ERC1: variants seen among roughly 807,000 people sequenced by gnomAD.
ERC1 encodes ELKS/RAB6-interacting/CAST family member 1.
Under a neutral mutation model 132.0 loss-of-function variants are expected in ERC1, and 56 were observed. That is an observed-to-expected ratio of 0.42 (90% CI 0.34 to 0.53). The LOEUF (loss-of-function observed/expected upper bound fraction) is 0.53. Among genes scored for constraint, ERC1 ranks in the 20% least tolerant of loss-of-function variants. The probability of loss-of-function intolerance (pLI) is 0.03; values close to 1 mark genes in which losing one functional copy is unlikely to be tolerated. For missense variants in ERC1, 1,202 were observed against 1,349.9 expected (o/e 0.89, Z 1.72); for synonymous variants, 478 against 476.1 (o/e 1.00, Z -0.05).
At chr12:1,368,929 G>A (rs2086913487) in intron 15 of ERC1, among the ~76,000 whole-genome samples, 1 of 152,092 alleles carries the variant, frequency 6.6e-6, no homozygotes, top group African/African-American at 2.4e-5. Context: ...TCAGTGTCAG[G>A]AGTATACGTT....
intron 13 of ERC1, among the ~76,000 whole-genome samples, chr12:1,243,974 TGTAGTGGCA>T (rs2075999119): frequency 6.6e-6 from 1 of 152,222 alleles, no homozygotes; most frequent in African/African-American, 2.4e-5. Context: ...GTTAAAACTC[TGTAGTGGCA>T]GTGCCACAGT....
At chr12:1,482,248 C>T (rs1016846079) in intron 18 of ERC1, among the ~76,000 whole-genome samples, 1 of 152,102 alleles carries the variant, frequency 6.6e-6, no homozygotes, top group Non-Finnish European at 1.5e-5. Context: ...TTGTGCCTCA[C>T]CTCATACTGT....
At chr12:1,125,811 G>T (rs1034715233) in intron 7 of ERC1, among the ~76,000 whole-genome samples, 1 of 152,156 alleles carries the variant, frequency 6.6e-6, no homozygotes, top group Admixed American at 6.5e-5. Context: ...GCGAGACTCC[G>T]TCTCAAAACA....
intron 7 of ERC1, among the ~76,000 whole-genome samples, chr12:1,126,149 TAAATTTTTAA>T (rs1948138103): frequency 6.6e-6 from 1 of 152,214 alleles, no homozygotes; most frequent in African/African-American, 2.4e-5. Flanking sequence ...TTACCTCTAT[TAAATTTTTAA>T]AAATGTATAT....
intron 11 of ERC1, among the ~76,000 whole-genome samples, chr12:1,189,563 T>G (rs753205369): frequency 6.6e-6 from 1 of 152,234 alleles, no homozygotes; most frequent in Non-Finnish European, 1.5e-5. Flanking sequence ...TGACTGTTAG[T>G]TTGTCTCACT....
At chr12:1,370,455 T>G (rs1444933261) in intron 15 of ERC1, among the ~76,000 whole-genome samples, 1 of 152,252 alleles carries the variant, frequency 6.6e-6, no homozygotes, top group East Asian at 1.9e-4. Context: ...TGGCTGTGTT[T>G]CTATATCCAC....
intron 15 of ERC1, among the ~76,000 whole-genome samples, chr12:1,338,971 G>GGT (rs2083550668): frequency 6.6e-6 from 1 of 152,218 alleles, no homozygotes; most frequent in Non-Finnish European, 1.5e-5. Context: ...TCTAATGGGT[G>GGT]GTGTCTGCCA....
At chr12:1,170,130 A>G (rs926805608) in intron 8 of ERC1, among the ~76,000 whole-genome samples, 2 of 152,188 alleles carry the variant, frequency 1.3e-5, no homozygotes, top group African/African-American at 2.4e-5. Context: ...AAATTGGTAT[A>G]ATATTACACT....
At chr12:1,138,211 T>TAATTG (rs536486567) in intron 7 of ERC1, among the ~76,000 whole-genome samples, 4 of 102,844 alleles carry the variant, frequency 3.9e-5, no homozygotes, top group Non-Finnish European at 7.0e-5. Context: ...ATGATATATA[T>TAATTG]TATATAATAT....
At chr12:1,213,514 A>G (rs749916415) in intron 12 of ERC1, among the ~76,000 whole-genome samples, 9 of 152,172 alleles carry the variant, frequency 5.9e-5, no homozygotes, top group Non-Finnish European at 1.2e-4. Flanking sequence ...AGGTGGGCGG[A>G]TCACTCAAGC....
At chr12:1,415,537 A>G (rs1172297031) in intron 17 of ERC1, among the ~76,000 whole-genome samples, 1 of 152,216 alleles carries the variant, frequency 6.6e-6, no homozygotes, top group Non-Finnish European at 1.5e-5. Flanking sequence ...TTGTCAGTGT[A>G]CTTATCAGTT....
chr12:1,192,131 TC>T (rs751808995), intron 12 of ERC1, among the ~76,000 whole-genome samples: 2 of 152,226 alleles, frequency 1.3e-5, no homozygotes, highest in African/African-American at 2.4e-5. Context: ...CTTTTGGACT[TC>T]CTGGCAACTG....
chr12:1,137,694 A>G (rs888775488), intron 7 of ERC1, among the ~76,000 whole-genome samples: 25 of 151,152 alleles, frequency 1.7e-4, no homozygotes, highest in African/African-American at 6.1e-4. Flanking sequence ...TACTAAAAAT[A>G]CAAAAAAAAT....
At chr12:1,357,619 C>T (rs1456825657) in intron 15 of ERC1, among the ~76,000 whole-genome samples, 1 of 152,110 alleles carries the variant, frequency 6.6e-6, no homozygotes, top group Non-Finnish European at 1.5e-5. Context: ...ACAGGTGTAC[C>T]TTAGTTTGAA....
At chr12:1,116,838 C>T (rs1427368751) in intron 7 of ERC1, among the ~76,000 whole-genome samples, 4 of 152,176 alleles carry the variant, frequency 2.6e-5, no homozygotes, top group Admixed American at 1.3e-4. Flanking sequence ...GCCTCTGCCT[C>T]CCAAAGTGCT....
At chr12:1,341,154 C>T (rs1246315448) in intron 15 of ERC1, among the ~76,000 whole-genome samples, 2 of 120,696 alleles carry the variant, frequency 1.7e-5, no homozygotes, top group South Asian at 2.9e-4. Context: ...AGTGCAGTGG[C>T]GCAATCTCGG....
intron 3 of ERC1, 91 bp from the exon 4 acceptor site, chr12:1,104,659 G>T: frequency 1.2e-6 from 1 of 866,326 alleles, no homozygotes; most frequent in Non-Finnish European, 2.0e-6. Flanking sequence ...AGGCTGTAGT[G>T]ATCTTTTGCA....
At position 1,092,136 on chromosome 12, in the gene ERC1, T is replaced by C. The variant is rs546919171; in HGVS notation, c.1086+8556T>C. Among the ~76,000 whole-genome samples the C allele has an allele frequency of 2.0e-5, 3 of 152,118 alleles. No homozygotes were observed. The South Asian group carries it at 6.2e-4, about 32-fold the overall frequency. ...GCTTCAGCCTCCCGAGTAGCTGGGA[T>C]TACAGGCACCCATCACCAGGCCCAG... On this transcript the variant is annotated intron_variant, in intron 3 of 18. Coordinates refer to ENST00000360905, the MANE Select transcript of ERC1 (RefSeq NM_178040.4).
intron 10 of ERC1, 37 bp from the exon 11 acceptor site, chr12:1,183,243 TA>T (rs768303878): frequency 1.4e-4 from 197 of 1,401,796 alleles, no homozygotes; most frequent in Middle Eastern, 1.9e-4. Context: ...CTATTTTTTT[TA>T]AAATTATTTA....
Sources: gnomAD v4.1 joint callset for allele counts (sites outside exome capture counted in the v4.1 genomes callset) on GRCh38, gnomAD v4.1.1 for gene constraint, MANE v1.5 for transcripts, NCBI Gene and HGNC (gene_info 2026-07-23, HGNC 2026-07-21) for gene names.